Variants in IQCM observed in about 807,000 individuals in gnomAD.
IQCM encodes the protein IQ domain-containing protein M.
A neutral mutation model predicts 57.6 loss-of-function variants in IQCM; 45 were observed. The observed-to-expected ratio is 0.78, with a 90% CI of 0.62 to 1.00. The LOEUF is 1.00. Ranked by LOEUF, IQCM falls within the 50% of genes least tolerant of loss-of-function variation. The probability of loss-of-function intolerance (pLI) is 0.00; values close to 1 mark genes in which losing one functional copy is unlikely to be tolerated. For missense variants in IQCM, 468 were observed against 511.6 expected (o/e 0.91, Z 0.82); for synonymous variants, 148 against 158.9 (o/e 0.93, Z 0.51).
chr4:149,357,207 T>C (rs893421494), intron 13 of IQCM, among the ~76,000 whole-genome samples: 2 of 152,184 alleles, frequency 1.3e-5, no homozygotes, highest in African/African-American at 4.8e-5. Flanking sequence ...ACAATTTGAG[T>C]TCCTCTTTTC....
At chr4:149,692,775 A>G (rs1042156658) in intron 5 of IQCM, among the ~76,000 whole-genome samples, 2 of 152,152 alleles carry the variant, frequency 1.3e-5, no homozygotes, top group Admixed American at 1.3e-4. Context: ...ATTTCTAACT[A>G]TTGCTTATGT....
Position 149,368,972 on chromosome 4 carries a change from A to ATATATATACACGTGTATATATATG in IQCM, c.1391-16907_1391-16906insCATATATATACACGTGTATATATA, listed in dbSNP as rs1730136856. ...TATATATATACACGTGTATATATAT[A>ATATATATACACGTGTATATATATG]TGTGTATATATATACACGTGTATAT... On this transcript the variant is annotated intron_variant, in intron 13 of 13. Transcript: ENST00000636793. Among the ~76,000 whole-genome samples, 2 of 43,148 alleles carry ATATATATACACGTGTATATATATG rather than the reference A, an allele frequency of 4.6e-5. 1 individual carries two copies. The highest frequency in any genetic ancestry group is 1.5e-4 in the African/African-American group (2 of 13,152). 28.3% of individuals were successfully genotyped at this position (43,148 alleles called of 152,430 possible).
Position 149,567,481 on chromosome 4 carries a change from G to A in IQCM, c.750-3591C>T, listed in dbSNP as rs184536414. 5.9e-4 allele frequency among the ~76,000 whole-genome samples: 90 copies of A among 151,918 alleles called. 3 individuals are homozygous for A. The highest frequency in any genetic ancestry group is 2.0e-3 in the African/African-American group (84 of 41,446). On this transcript the variant is annotated intron_variant, in intron 9 of 13. Coordinates refer to ENST00000636793, the MANE Select transcript of IQCM (RefSeq NM_001363507.2). The stretch of plus-strand genomic sequence containing the variant: ...CATGCCTCAGCCTCCTGAGTAGCTG[G>A]GATTACAGGTGTGTGCCACCACACA...
intron 12 of IQCM, among the ~76,000 whole-genome samples, chr4:149,541,230 C>CA (rs1324932447): frequency 5.3e-5 from 8 of 152,106 alleles, no homozygotes; most frequent in Non-Finnish European, 1.0e-4. Flanking sequence ...GAAATAGTTA[C>CA]AGTTTGCCAC....
intron 12 of IQCM, among the ~76,000 whole-genome samples, chr4:149,512,561 A>G (rs1744538550): frequency 6.6e-6 from 1 of 152,044 alleles, no homozygotes. Context: ...GAGTATTTTT[A>G]TTTGATTTTG....
At chr4:149,629,229 A>C (rs1757053791) in intron 7 of IQCM, among the ~76,000 whole-genome samples, 1 of 152,138 alleles carries the variant, frequency 6.6e-6, no homozygotes, top group African/African-American at 2.4e-5. Context: ...TTAGGAACTA[A>C]ACCATTTTTT....
intron 5 of IQCM, among the ~76,000 whole-genome samples, chr4:149,713,044 T>A (rs1275500812): frequency 6.6e-6 from 1 of 152,182 alleles, no homozygotes; most frequent in Non-Finnish European, 1.5e-5. Flanking sequence ...ATTAACAATC[T>A]AGATGATAAT....
At chr4:149,769,311 C>G (rs1223978029) in intron 2 of IQCM, among the ~76,000 whole-genome samples, 1 of 152,006 alleles carries the variant, frequency 6.6e-6, no homozygotes, top group Non-Finnish European at 1.5e-5. Flanking sequence ...TATCCGCCCC[C>G]AAGGTAGTCC....
At chr4:149,604,506 T>TA (rs1220886459) in intron 8 of IQCM, among the ~76,000 whole-genome samples, 1 of 152,158 alleles carries the variant, frequency 6.6e-6, no homozygotes, top group Non-Finnish European at 1.5e-5. Flanking sequence ...TTAAAAAAAA[T>TA]ACTGCAAATT....
intron 5 of IQCM, among the ~76,000 whole-genome samples, chr4:149,715,421 A>G (rs576386299): frequency 1.7e-3 from 263 of 152,326 alleles, no homozygotes; most frequent in African/African-American, 5.2e-3. Flanking sequence ...ACCAGGGAAC[A>G]TAGTAACCCC....
intron 2 of IQCM, among the ~76,000 whole-genome samples, chr4:149,799,050 T>G (rs1030772117): frequency 1.7e-4 from 25 of 149,992 alleles, no homozygotes; most frequent in African/African-American, 6.2e-4. Flanking sequence ...TTTTTTTTTT[T>G]CACTCAGCAC....
At chr4:149,488,648 C>T (rs573479882) in intron 12 of IQCM, among the ~76,000 whole-genome samples, 38 of 152,218 alleles carry the variant, frequency 2.5e-4, no homozygotes, top group African/African-American at 9.1e-4. Flanking sequence ...TCCTTAGGGA[C>T]AGAAAATAGT....
intron 13 of IQCM, among the ~76,000 whole-genome samples, chr4:149,354,485 C>G (rs1170733887): frequency 1.3e-5 from 2 of 151,086 alleles, no homozygotes; most frequent in Non-Finnish European, 2.9e-5. Flanking sequence ...TGTCCTAATC[C>G]TAATTTACGA....
intron 7 of IQCM, among the ~76,000 whole-genome samples, chr4:149,675,782 G>A (rs890000610): frequency 1.3e-5 from 2 of 151,954 alleles, no homozygotes; most frequent in African/African-American, 4.8e-5. Context: ...GCTGACTTTA[G>A]GGGATCCCTC....
chr4:149,640,276 T>C (rs1276708959), intron 7 of IQCM, among the ~76,000 whole-genome samples: 3 of 152,240 alleles, frequency 2.0e-5, no homozygotes, highest in Admixed American at 1.3e-4. Context: ...CAAGCATGTA[T>C]CCTTTGTGTT....
At chr4:149,622,782 T>G (rs1353980444) in intron 7 of IQCM, among the ~76,000 whole-genome samples, 1 of 152,152 alleles carries the variant, frequency 6.6e-6, no homozygotes, top group Non-Finnish European at 1.5e-5. Flanking sequence ...CTTAACGAAT[T>G]CAAAGAATTC....
chr4:149,445,814 T>C (rs186010953), intron 12 of IQCM, among the ~76,000 whole-genome samples: 1 of 151,902 alleles, frequency 6.6e-6, no homozygotes, highest in Non-Finnish European at 1.5e-5. Context: ...TCATTTAAGA[T>C]TGCAGTTGAA....
intron 2 of IQCM, among the ~76,000 whole-genome samples, chr4:149,778,989 T>C (rs1321860163): frequency 6.6e-6 from 1 of 152,164 alleles, no homozygotes; most frequent in East Asian, 1.9e-4. Context: ...CCAAGTTCAT[T>C]TTACTAATCC....
chr4:149,515,802 T>C (rs182693530), intron 12 of IQCM, among the ~76,000 whole-genome samples: 1 of 152,194 alleles, frequency 6.6e-6, no homozygotes, highest in Non-Finnish European at 1.5e-5. Context: ...GGAAAAAGCA[T>C]GACTAGAAAA....
Sources: allele counts gnomAD v4.1 joint callset (sites outside exome capture counted in the v4.1 genomes callset), GRCh38; gene constraint gnomAD v4.1.1; transcripts MANE v1.5; gene names NCBI Gene and HGNC (gene_info 2026-07-23, HGNC 2026-07-21).